Variants in RPS6KC1 observed in about 807,000 individuals in gnomAD.
RPS6KC1 encodes ribosomal protein S6 kinase C1.
A neutral mutation model predicts 103.8 loss-of-function variants in RPS6KC1; 54 were observed. That is an observed-to-expected ratio of 0.52 (90% confidence interval 0.42 to 0.65). The LOEUF is 0.65. Among genes scored for constraint, RPS6KC1 ranks in the 30% least tolerant of loss-of-function variants. RPS6KC1 has a pLI of 0.00. For missense variants in RPS6KC1, 1,151 were observed against 1,253.8 expected (o/e 0.92, Z 1.24); for synonymous variants, 439 against 438.7 (o/e 1.00, Z -0.01).
chr1:213,448,951 C>T, the RPS6KC1 span, among the ~76,000 whole-genome samples: 13 of 152,262 alleles, frequency 8.5e-5, no homozygotes, highest in South Asian at 2.7e-3. Flanking sequence ...TATAGAAATC[C>T]CAGTGGCCTC....
At position 213,129,636 on chromosome 1, in the gene RPS6KC1, T is replaced by A. The variant is rs762735521; in HGVS notation, c.582T>A (p.Gly194=). Reference sequence around the variant, plus strand: ...AAAATTCTCCCATTAGAACTTTTGGTCTCAATCTTTCTTCGGATTCTTCAG... The same window carrying A: ...AAAATTCTCCCATTAGAACTTTTGGACTCAATCTTTCTTCGGATTCTTCAG... ...SNQNSPIRTF[G]LNLSSDSSAL... is the part of the protein sequence containing the mutation. Residue 194 remains glycine (G), a synonymous_variant, in exon 6 of 15, where the codon GGT becomes GGA. Coordinates refer to ENST00000366960, the MANE Select transcript of RPS6KC1 (RefSeq NM_012424.6). The A allele has an allele frequency of 1.7e-5, 27 of 1,614,084 alleles. No homozygotes were observed. Among genetic ancestry groups the A allele is most frequent in the Non-Finnish European group, 2.3e-5 (27 of 1,179,970 alleles).
chr1:213,853,359 C>A, the RPS6KC1 span, among the ~76,000 whole-genome samples: 1 of 152,226 alleles, frequency 6.6e-6, no homozygotes, highest in Non-Finnish European at 1.5e-5. Context: ...CCTGAGGAAT[C>A]TATAAACACA....
chr1:213,218,590 T>G (rs1355247260), intron 8 of RPS6KC1, among the ~76,000 whole-genome samples: 1 of 152,166 alleles, frequency 6.6e-6, no homozygotes, highest in African/African-American at 2.4e-5. Context: ...AGAACAAAGC[T>G]GGAGGCATCA....
the RPS6KC1 span, among the ~76,000 whole-genome samples, chr1:213,517,746 C>T: frequency 7.2e-5 from 11 of 152,046 alleles, 1 homozygote; most frequent in South Asian, 4.1e-4. Flanking sequence ...CTATTAGGTC[C>T]GCTTGGTGCA....
At chr1:213,810,723 T>C in the RPS6KC1 span, among the ~76,000 whole-genome samples, 1 of 152,356 alleles carries the variant, frequency 6.6e-6, no homozygotes, top group Non-Finnish European at 1.5e-5. Flanking sequence ...ACCAACACTT[T>C]CCAGGAGTCA....
intron 8 of RPS6KC1, among the ~76,000 whole-genome samples, chr1:213,204,045 C>G (rs2093260869): frequency 6.6e-6 from 1 of 152,096 alleles, no homozygotes; most frequent in African/African-American, 2.4e-5. Flanking sequence ...AATTAGACAC[C>G]CCTCTTCTTT....
chr1:213,291,293 C>T, the RPS6KC1 span, among the ~76,000 whole-genome samples: 2 of 152,174 alleles, frequency 1.3e-5, no homozygotes, highest in Non-Finnish European at 2.9e-5. Flanking sequence ...AGCATCCTAC[C>T]ACCTTTTTAT....
chr1:213,615,647 G>A, the RPS6KC1 span, among the ~76,000 whole-genome samples: 1 of 152,248 alleles, frequency 6.6e-6, no homozygotes, highest in Non-Finnish European at 1.5e-5. Flanking sequence ...CTCCCTAGCT[G>A]GTGCCTCCCT....
At chr1:213,291,748 C>T in the RPS6KC1 span, among the ~76,000 whole-genome samples, 4 of 152,174 alleles carry the variant, frequency 2.6e-5, no homozygotes, top group African/African-American at 9.7e-5. Flanking sequence ...GCAGAATCCT[C>T]CCACACCATT....
chr1:213,366,743 C>T, the RPS6KC1 span, among the ~76,000 whole-genome samples: 1 of 152,234 alleles, frequency 6.6e-6, no homozygotes, highest in Non-Finnish European at 1.5e-5. Flanking sequence ...TACTACCCTT[C>T]TGGGAAATTG....
At chr1:213,419,961 C>T in the RPS6KC1 span, among the ~76,000 whole-genome samples, 11 of 152,184 alleles carry the variant, frequency 7.2e-5, no homozygotes, top group Admixed American at 3.3e-4. Flanking sequence ...CTTTAATGCA[C>T]GGAAACATTT....
chr1:213,505,528 T>G, the RPS6KC1 span, among the ~76,000 whole-genome samples: 26 of 152,294 alleles, frequency 1.7e-4, no homozygotes, highest in East Asian at 4.8e-3. Flanking sequence ...ACTTCAGGTT[T>G]TTGTTGTGAG....
chr1:213,489,752 T>G, the RPS6KC1 span, among the ~76,000 whole-genome samples: 1 of 152,138 alleles, frequency 6.6e-6, no homozygotes, highest in Admixed American at 6.5e-5. Context: ...TAGAAAGGCA[T>G]GTCGGGCAAA....
chr1:213,655,308 A>G, the RPS6KC1 span, among the ~76,000 whole-genome samples: 3 of 143,874 alleles, frequency 2.1e-5, no homozygotes, highest in Non-Finnish European at 4.7e-5. Flanking sequence ...CTCCCAATGT[A>G]CTGGGATTAC....
chr1:213,716,126 AT>A, the RPS6KC1 span, among the ~76,000 whole-genome samples: 1 of 152,322 alleles, frequency 6.6e-6, no homozygotes, highest in South Asian at 2.1e-4. Flanking sequence ...AATCCAAGAA[AT>A]TCTATAATAT....
At chr1:213,788,013 C>T in the RPS6KC1 span, among the ~76,000 whole-genome samples, 1 of 152,174 alleles carries the variant, frequency 6.6e-6, no homozygotes, top group East Asian at 1.9e-4. Flanking sequence ...GCTTCACATT[C>T]TGCATTCACT....
At chr1:213,539,947 A>T in the RPS6KC1 span, among the ~76,000 whole-genome samples, 1 of 152,230 alleles carries the variant, frequency 6.6e-6, no homozygotes, top group Non-Finnish European at 1.5e-5. Context: ...CTAAAAAAAG[A>T]TGTACATACC....
rs748017389 is a variant in RPS6KC1 at position 213,230,582 on chromosome 1, T to C, written c.1092+38T>C. On this transcript the variant is annotated intron_variant, in intron 9 of 14. Coordinates refer to ENST00000366960, the MANE Select transcript of RPS6KC1 (RefSeq NM_012424.6). ...TGTAGCCAGGCGCGGTGCCTATAAT[T>C]CCAGCACTTTGGGAGACTGAGATAG... The C allele has an allele frequency of 5.2e-6, 8 of 1,533,718 alleles. No homozygotes were observed. In the Admixed American group the frequency reaches 1.4e-4, roughly 27 times the overall value.
the RPS6KC1 span, among the ~76,000 whole-genome samples, chr1:213,367,046 C>T: frequency 1.3e-5 from 2 of 152,252 alleles, no homozygotes; most frequent in African/African-American, 4.8e-5. Flanking sequence ...TTCTATATGA[C>T]ATGGTTTTGA....
Sources: gnomAD v4.1 joint callset for allele counts (sites outside exome capture counted in the v4.1 genomes callset) on GRCh38, gnomAD v4.1.1 for gene constraint, MANE v1.5 for transcripts, NCBI Gene and HGNC (gene_info 2026-07-23, HGNC 2026-07-21) for gene names.